Variants in SLC49A4 observed in about 807,000 individuals in gnomAD.
SLC49A4 encodes the protein disrupted in renal cancer protein 2.
In SLC49A4, 36 loss-of-function variants were observed where a neutral mutation model predicts 50.6. The ratio of observed to expected loss-of-function variants is 0.71; its 90% CI spans 0.55 to 0.94. The LOEUF is 0.94. SLC49A4 is among the 40% of genes least tolerant of loss of function. The probability of loss-of-function intolerance (pLI) is 0.00; values close to 1 mark genes in which losing one functional copy is unlikely to be tolerated. For missense variants in SLC49A4, 503 were observed against 605.7 expected (o/e 0.83, Z 1.78); for synonymous variants, 248 against 241.2 (o/e 1.03, Z -0.26).
At chr3:122,806,295 GAAAAATTAGAGCT>G (rs893268875) in intron 1 of SLC49A4, among the ~76,000 whole-genome samples, 1 of 151,996 alleles carries the variant, frequency 6.6e-6, no homozygotes, top group Non-Finnish European at 1.5e-5. Context: ...CATTCCTTTT[GAAAAATTAGAGCT>G]AATAGAACTT....
chr3:122,860,254 T>C (rs1286599345), intron 7 of SLC49A4, 52 bp downstream of exon 7: 4 of 1,463,644 alleles, frequency 2.7e-6, no homozygotes, highest in South Asian at 1.5e-5. Flanking sequence ...TTCACAGAAG[T>C]GTACATAACT....
intron 6 of SLC49A4, among the ~76,000 whole-genome samples, chr3:122,857,716 C>T (rs962599216): frequency 1.3e-5 from 2 of 152,104 alleles, no homozygotes; most frequent in Admixed American, 1.3e-4. Context: ...ACTAAAAATA[C>T]ATTGACCTGT....
intron 1 of SLC49A4, among the ~76,000 whole-genome samples, chr3:122,800,978 C>G (rs1936120141): frequency 6.6e-6 from 1 of 152,178 alleles, no homozygotes; most frequent in Non-Finnish European, 1.5e-5. Flanking sequence ...AATTTGAAGT[C>G]AGACCAGTCA....
intron 4 of SLC49A4, among the ~76,000 whole-genome samples, chr3:122,838,195 A>G (rs1191276382): frequency 6.6e-6 from 1 of 152,222 alleles, no homozygotes; most frequent in Non-Finnish European, 1.5e-5. Flanking sequence ...TGACCCAGCC[A>G]TCGCATTACT....
chr3:122,795,601 C>T, intron 1 of SLC49A4, 66 bp downstream of exon 1: 2 of 1,515,272 alleles, frequency 1.3e-6, no homozygotes, highest in Non-Finnish European at 1.7e-6. Flanking sequence ...GCCCGCGCTC[C>T]AGGCCTGCCA....
At chr3:122,876,159 T>C (rs967463102) in intron 8 of SLC49A4, among the ~76,000 whole-genome samples, 3 of 152,276 alleles carry the variant, frequency 2.0e-5, no homozygotes, top group Admixed American at 6.5e-5. Flanking sequence ...AGCACAGTGA[T>C]GCTTTATTCT....
chr3:122,868,859 G>C (rs972978874), intron 7 of SLC49A4, among the ~76,000 whole-genome samples: 1 of 152,170 alleles, frequency 6.6e-6, no homozygotes, highest in Non-Finnish European at 1.5e-5. Context: ...TCTAATTTTT[G>C]ATTACTGGCC....
Position 122,795,097 on chromosome 3 carries a change from G to A in SLC49A4, c.-96G>A. On this transcript the variant is annotated 5_prime_UTR_variant, in exon 1 of 9. Coordinates refer to ENST00000261038, the MANE Select transcript of SLC49A4 (RefSeq NM_032839.3). ...CCGGAGGCCGAGGGCGACCACAGCA[G>A]CCTCCGCCTCCTGCTGCTCAGGACT... 8.2e-7 allele frequency: 1 copy of A among 1,215,918 alleles called. No homozygotes were observed. The highest frequency in any genetic ancestry group is 1.0e-6 in the Non-Finnish European group (1 of 975,170). 75.3% of individuals were successfully genotyped at this position (1,215,918 alleles called of 1,614,324 possible).
intron 2 of SLC49A4, among the ~76,000 whole-genome samples, chr3:122,823,802 A>G (rs761892875): frequency 6.6e-6 from 1 of 152,364 alleles, no homozygotes; most frequent in Middle Eastern, 3.4e-3. Context: ...TTATTTTTAC[A>G]TATCTTTTTA....
At chr3:122,872,294 A>G in intron 7 of SLC49A4, 121 bp from the exon 8 acceptor site, 1 of 823,668 alleles carries the variant, frequency 1.2e-6, no homozygotes, top group South Asian at 2.0e-5. Flanking sequence ...AACTTTATCA[A>G]CTACCTTTGA....
At chr3:122,842,797 T>C (rs978086745) in intron 4 of SLC49A4, among the ~76,000 whole-genome samples, 1 of 152,170 alleles carries the variant, frequency 6.6e-6, no homozygotes, top group African/African-American at 2.4e-5. Flanking sequence ...AAGAGTCCTT[T>C]TCACCAGTAC....
chr3:122,829,605 C>T (rs925801535), intron 3 of SLC49A4, among the ~76,000 whole-genome samples: 7 of 152,100 alleles, frequency 4.6e-5, no homozygotes, highest in African/African-American at 1.4e-4. Context: ...AGAAAAATGG[C>T]CGGACATGAT....
chr3:122,868,072 G>A (rs954073386), intron 7 of SLC49A4, among the ~76,000 whole-genome samples: 4 of 151,194 alleles, frequency 2.6e-5, no homozygotes, highest in African/African-American at 9.7e-5. Flanking sequence ...CCGAGATCAC[G>A]CCACTGCACT....
chr3:122,873,444 TGCTGGGATTACAGGCATGAGCC>T (rs1937220686), intron 8 of SLC49A4, among the ~76,000 whole-genome samples: 1 of 152,110 alleles, frequency 6.6e-6, no homozygotes, highest in African/African-American at 2.4e-5. Context: ...CCTCCTAAAG[TGCTGGGATTACAGGCATGAGCC>T]GCTGTGCCTG....
chr3:122,816,381 A>C (rs958312409), intron 2 of SLC49A4, among the ~76,000 whole-genome samples: 1 of 152,140 alleles, frequency 6.6e-6, no homozygotes, highest in African/African-American at 2.4e-5. Flanking sequence ...AGTAAGGAGC[A>C]AGAAACACAG....
chr3:122,830,305 C>A (rs553228877), intron 3 of SLC49A4, among the ~76,000 whole-genome samples: 1 of 152,230 alleles, frequency 6.6e-6, no homozygotes, highest in African/African-American at 2.4e-5. Context: ...TTGCAGAAAT[C>A]GACAAGGCGA....
chr3:122,841,331 C>G (rs1936766292), intron 4 of SLC49A4, among the ~76,000 whole-genome samples: 1 of 152,146 alleles, frequency 6.6e-6, no homozygotes, highest in South Asian at 2.1e-4. Flanking sequence ...CTCTTTTGGT[C>G]TCTTCTTTCT....
intron 7 of SLC49A4, among the ~76,000 whole-genome samples, chr3:122,860,680 C>T (rs2107579825): frequency 6.6e-6 from 1 of 152,308 alleles, no homozygotes; most frequent in Middle Eastern, 3.4e-3. Context: ...AAGTATATTA[C>T]AGCCAGCTTA....
chr3:122,828,317 G>A (rs765647657), intron 3 of SLC49A4, among the ~76,000 whole-genome samples: 6 of 152,148 alleles, frequency 3.9e-5, no homozygotes, highest in Admixed American at 1.3e-4. Flanking sequence ...CTGAGAGCTC[G>A]GAGAAGGAGC....
Sources: gnomAD v4.1 joint callset for allele counts (sites outside exome capture counted in the v4.1 genomes callset) on GRCh38, gnomAD v4.1.1 for gene constraint, MANE v1.5 for transcripts, NCBI Gene and HGNC (gene_info 2026-07-23, HGNC 2026-07-21) for gene names.